Variants in RBMS3 observed in about 807,000 individuals in gnomAD.
RBMS3 encodes RNA-binding motif, single-stranded-interacting protein 3.
Under a neutral mutation model 66.8 loss-of-function variants are expected in RBMS3, and 27 were observed. That is an observed-to-expected ratio of 0.40 (90% confidence interval 0.30 to 0.56). RBMS3 has a LOEUF of 0.56. Among genes scored for constraint, RBMS3 ranks in the 20% least tolerant of loss-of-function variants. RBMS3 has a pLI of 0.40. For synonymous variants in RBMS3, 188 were observed against 183.0 expected (o/e 1.03, Z -0.22); for missense variants, 513 against 549.5 (o/e 0.93, Z 0.66).
intron 4 of RBMS3, among the ~76,000 whole-genome samples, chr3:29,731,264 C>A (rs2054121100): frequency 6.6e-6 from 1 of 152,224 alleles, no homozygotes; most frequent in South Asian, 2.1e-4. Flanking sequence ...TACATTATAT[C>A]CGAAATAAGT....
chr3:29,634,879 C>T (rs1399653836), intron 4 of RBMS3, among the ~76,000 whole-genome samples: 1 of 151,792 alleles, frequency 6.6e-6, no homozygotes, highest in African/African-American at 2.4e-5. Context: ...CCTATCGAGC[C>T]CCATCTTTCT....
At chr3:29,395,732 A>T (rs897357373) in intron 1 of RBMS3, among the ~76,000 whole-genome samples, 4 of 152,220 alleles carry the variant, frequency 2.6e-5, no homozygotes, top group African/African-American at 7.2e-5. Flanking sequence ...TGTTTTAAAC[A>T]TTAAAGATAT....
At chr3:29,967,900 C>A (rs1216305552) in intron 12 of RBMS3, among the ~76,000 whole-genome samples, 27 of 152,008 alleles carry the variant, frequency 1.8e-4, no homozygotes, top group Admixed American at 1.7e-3. Context: ...TTTTATTTAT[C>A]TTTTCAAAGA....
intron 4 of RBMS3, among the ~76,000 whole-genome samples, chr3:29,689,917 CAAAAAAAAAAAAAAAAAAAAA>C (rs66580293): frequency 5.2e-3 from 145 of 27,736 alleles, no homozygotes; most frequent in Middle Eastern, 0.038. Flanking sequence ...CTATCTCTAC[CAAAAAAAAAAAAAAAAAAAAA>C]AAAAAAAAAA....
chr3:29,499,290 A>G (rs2043875228), intron 3 of RBMS3, among the ~76,000 whole-genome samples: 1 of 152,164 alleles, frequency 6.6e-6, no homozygotes, highest in Non-Finnish European at 1.5e-5. Context: ...TTAGTTAATC[A>G]TATTGATTCT....
chr3:29,730,594 T>C (rs888062355), intron 4 of RBMS3, among the ~76,000 whole-genome samples: 1 of 152,130 alleles, frequency 6.6e-6, no homozygotes, highest in African/African-American at 2.4e-5. Context: ...AGTTCCATAG[T>C]TGTTTGGGGC....
intron 6 of RBMS3, among the ~76,000 whole-genome samples, chr3:29,865,106 G>GGA (rs2059325310): frequency 5.0e-4 from 63 of 127,208 alleles, no homozygotes; most frequent in African/African-American, 1.9e-3. Context: ...GGGAGGGAGG[G>GGA]AGGAAGGAAG....
intron 4 of RBMS3, among the ~76,000 whole-genome samples, chr3:29,726,107 C>A (rs1251760299): frequency 6.6e-6 from 1 of 152,108 alleles, no homozygotes; most frequent in Non-Finnish European, 1.5e-5. Flanking sequence ...ATGACAAAAA[C>A]CACATGATTA....
intron 1 of RBMS3, among the ~76,000 whole-genome samples, chr3:29,377,103 A>G (rs2038515519): frequency 6.6e-6 from 1 of 151,712 alleles, no homozygotes; most frequent in Non-Finnish European, 1.5e-5. Flanking sequence ...AAAAAAAAAA[A>G]GAAAAGCAAA....
At position 29,372,092 on chromosome 3, in the gene RBMS3, A is replaced by G. The variant is rs368339134; in HGVS notation, c.76-62651A>G. ...AGGAAGACACCGTAGAAGTGCACATAAGCTTCCAATGATTGCCGTTAGAAT... is the reference window on the plus strand; with the variant it reads ...AGGAAGACACCGTAGAAGTGCACATGAGCTTCCAATGATTGCCGTTAGAAT... On this transcript the variant is annotated intron_variant, in intron 1 of 14. Coordinates refer to ENST00000383767, the MANE Select transcript of RBMS3 (RefSeq NM_001003793.3). Among the ~76,000 whole-genome samples, 4 of 152,288 alleles carry G rather than the reference A, an allele frequency of 2.6e-5. No individual in the cohort carries two copies. In the East Asian group the frequency reaches 5.8e-4, roughly 22 times the overall value.
At chr3:29,757,975 CTTTG>C (rs965144706) in intron 5 of RBMS3, among the ~76,000 whole-genome samples, 4 of 152,250 alleles carry the variant, frequency 2.6e-5, no homozygotes, top group South Asian at 4.1e-4. Flanking sequence ...ATTTCTTAGA[CTTTG>C]TTTGTTGGAG....
chr3:29,992,020 A>G (rs929359266), intron 14 of RBMS3, among the ~76,000 whole-genome samples: 1 of 152,114 alleles, frequency 6.6e-6, no homozygotes, highest in Admixed American at 6.5e-5. Context: ...GTAAAGTTTG[A>G]GGGCTGTTTA....
intron 6 of RBMS3, among the ~76,000 whole-genome samples, chr3:29,788,130 C>T (rs1021331371): frequency 6.6e-6 from 1 of 151,630 alleles, no homozygotes; most frequent in Admixed American, 6.6e-5. Context: ...ATTTTCACTC[C>T]AACAGTGGCA....
intron 2 of RBMS3, among the ~76,000 whole-genome samples, chr3:29,446,236 T>C (rs1436768401): frequency 6.6e-6 from 1 of 152,168 alleles, no homozygotes; most frequent in African/African-American, 2.4e-5. Context: ...GCTTAATAGT[T>C]CCAGGTACAT....
intron 12 of RBMS3, among the ~76,000 whole-genome samples, chr3:29,948,686 C>T (rs1695481528): frequency 6.6e-6 from 1 of 151,792 alleles, no homozygotes; most frequent in Admixed American, 6.6e-5. Flanking sequence ...ACGTGAAAAT[C>T]AGTTTCATTT....
intron 10 of RBMS3, among the ~76,000 whole-genome samples, chr3:29,904,239 G>C (rs2060322517): frequency 6.6e-6 from 1 of 151,916 alleles, no homozygotes; most frequent in Non-Finnish European, 1.5e-5. Context: ...AGTGTATAGA[G>C]TATAAAAGAT....
intron 3 of RBMS3, among the ~76,000 whole-genome samples, chr3:29,504,334 G>A (rs2148942912): frequency 6.6e-6 from 1 of 152,114 alleles, no homozygotes; most frequent in Middle Eastern, 3.4e-3. Context: ...GTTTTAGGGG[G>A]CCACAAAACA....
chr3:29,618,002 G>C (rs919551075), intron 4 of RBMS3, among the ~76,000 whole-genome samples: 12 of 152,082 alleles, frequency 7.9e-5, no homozygotes, highest in Admixed American at 7.9e-4. Flanking sequence ...GATAAAAGAA[G>C]TAGGGAGGCT....
intron 10 of RBMS3, among the ~76,000 whole-genome samples, chr3:29,906,512 T>C (rs2060381826): frequency 6.6e-6 from 1 of 152,170 alleles, no homozygotes; most frequent in Non-Finnish European, 1.5e-5. Flanking sequence ...ACAACACTTA[T>C]TTCTAATGTG....
Sources: allele counts gnomAD v4.1 joint callset (sites outside exome capture counted in the v4.1 genomes callset), GRCh38; gene constraint gnomAD v4.1.1; transcripts MANE v1.5; gene names NCBI Gene and HGNC (gene_info 2026-07-23, HGNC 2026-07-21).